ZDHHC24: variants seen among roughly 807,000 people sequenced by gnomAD.
ZDHHC24 encodes probable palmitoyltransferase ZDHHC24.
Under a neutral mutation model 23.2 loss-of-function variants are expected in ZDHHC24, and 17 were observed. The ratio of observed to expected loss-of-function variants is 0.73; its 90% CI spans 0.50 to 1.10. The LOEUF (loss-of-function observed/expected upper bound fraction) is 1.10, where lower values mean the gene tolerates loss of function less well. Ranked by LOEUF, ZDHHC24 falls within the 50% of genes least tolerant of loss-of-function variation. The probability of loss-of-function intolerance (pLI) is 0.00; values close to 1 mark genes in which losing one functional copy is unlikely to be tolerated. For missense variants in ZDHHC24, 366 were observed against 393.0 expected (o/e 0.93, Z 0.58); for synonymous variants, 186 against 194.5 (o/e 0.96, Z 0.36).
downstream of ZDHHC24, chr11:66,531,708 G>C (rs763723827): frequency 6.8e-6 from 11 of 1,614,142 alleles, no homozygotes; most frequent in Non-Finnish European, 7.6e-6. Context: ...TTTGTGGAGA[G>C]TCTCAGTAAC....
rs1857276515 is a variant in ZDHHC24 at position 66,545,228 on chromosome 11, G to A, written c.281+495C>T. Reference sequence around the variant, plus strand: ...CTAATTTTTTTATATTTTTAGTAGAGACGGGGTTTCACCACGTTGGCTAGG... The same window carrying A: ...CTAATTTTTTTATATTTTTAGTAGAAACGGGGTTTCACCACGTTGGCTAGG... On this transcript the variant is annotated intron_variant, in intron 1 of 2. Transcript: ENST00000310442. The surrounding 1 kb of genome is among the most constrained non-coding windows in gnomAD (Gnocchi z 4.5). Among the ~76,000 whole-genome samples the A allele has an allele frequency of 1.3e-5, 2 of 152,072 alleles. No homozygotes were observed. The highest frequency in any genetic ancestry group is 2.4e-5 in the African/African-American group (1 of 41,406).
In ZDHHC24 at chr11:66,543,701, C is replaced by G. The variant is rs774438355; in HGVS notation, c.559+3G>C. On this transcript the variant is annotated splice_donor_region_variant and intron_variant, in intron 2 of 2. Coordinates refer to ENST00000310442, the MANE Select transcript of ZDHHC24 (RefSeq NM_207340.3). ...CTGTGCAGAGGCCTCCCAGGCTCCC[C>G]ACCTGTGAGCAACATGAGCCAGGGA... 5 of 1,574,304 alleles carry G rather than the reference C, an allele frequency of 3.2e-6. No individual in the cohort carries two copies. The South Asian group carries it at 5.8e-5, about 18-fold the overall frequency.
chr11:66,531,670 G>C (rs1856786528), downstream of ZDHHC24: 2 of 1,614,008 alleles, frequency 1.2e-6, no homozygotes, highest in African/African-American at 2.7e-5. Context: ...CCTTGCTGGT[G>C]CCAGGGCTCA....
intron 2 of ZDHHC24, 24 bp downstream of exon 2, chr11:66,543,680 G>GAGA: frequency 6.4e-7 from 1 of 1,551,088 alleles, no homozygotes; most frequent in Non-Finnish European, 8.7e-7. Context: ...CTGCCTCTGT[G>GAGA]CAGAGGCCTC....
chr11:66,534,734 C>G (rs532449361), downstream of ZDHHC24, among the ~76,000 whole-genome samples: 8 of 151,992 alleles, frequency 5.3e-5, no homozygotes, highest in Non-Finnish European at 8.8e-5. Flanking sequence ...CTCACTGTGT[C>G]GCCCAGGCTG....
chr11:66,526,338 A>G, intron 4 of ZDHHC24: 1 of 877,342 alleles, frequency 1.1e-6, no homozygotes, highest in East Asian at 2.6e-5. Context: ...TTCTGGAGCT[A>G]GGCCTCCACT....
At chr11:66,534,857 G>A (rs556820842), downstream of ZDHHC24, among the ~76,000 whole-genome samples, 30 of 151,828 alleles carry the variant, frequency 2.0e-4, no homozygotes, top group Non-Finnish European at 3.1e-4. Flanking sequence ...CACCATGCCC[G>A]GCTAATTTTT....
chr11:66,526,840 C>G (rs1253408581), intron 4 of ZDHHC24: 2 of 1,614,192 alleles, frequency 1.2e-6, no homozygotes, highest in Non-Finnish European at 1.7e-6. Context: ...TCCCTTCTTC[C>G]TCCTCCACTG....
chr11:66,525,920 G>A (rs1288130271), intron 4 of ZDHHC24, among the ~76,000 whole-genome samples: 1 of 152,160 alleles, frequency 6.6e-6, no homozygotes, highest in East Asian at 1.9e-4. Context: ...CCAAAAGTGA[G>A]GGCCAGTGAT....
At chr11:66,527,906 TATAGGC>T (rs984044485) in intron 3 of ZDHHC24, among the ~76,000 whole-genome samples, 3 of 151,944 alleles carry the variant, frequency 2.0e-5, no homozygotes, top group African/African-American at 7.3e-5. Flanking sequence ...GGCAGGGTAA[TATAGGC>T]AGAGGCACAG....
In ZDHHC24 at chr11:66,530,013, A is replaced by G; in HGVS notation, c.560-525T>C. Reference sequence around the variant, plus strand: ...GGGGCAGAGGCCAGGATGCGCAGGAACCCCTCTGCCACACAGCTAAGCCCC... The same window carrying G: ...GGGGCAGAGGCCAGGATGCGCAGGAGCCCCTCTGCCACACAGCTAAGCCCC... On this transcript the variant is annotated intron_variant, in intron 2 of 4. Coordinates refer to the ZDHHC24 transcript ENST00000526986. The G allele has an allele frequency of 2.6e-6, 4 of 1,551,336 alleles. No homozygotes were observed. In the South Asian group the frequency reaches 4.7e-5, roughly 18 times the overall value.
intron 4 of ZDHHC24, chr11:66,524,240 A>C: frequency 8.4e-6 from 3 of 356,864 alleles, no homozygotes; most frequent in South Asian, 2.2e-5. Context: ...AGATCAAACC[A>C]TGGCACTTCA....
At chr11:66,530,749 C>A, downstream of ZDHHC24, 2 of 1,223,424 alleles carry the variant, frequency 1.6e-6, no homozygotes, top group East Asian at 2.4e-5. Context: ...CCCTCTGCCC[C>A]TTCTGGTCTT....
At chr11:66,531,732 ACAT>A, downstream of ZDHHC24, 1 of 1,614,024 alleles carries the variant, frequency 6.2e-7, no homozygotes, top group Non-Finnish European at 8.5e-7. Context: ...GGCATCTCAG[ACAT>A]CATCAAGGTA....
In ZDHHC24 at chr11:66,529,428, G is replaced by T; in HGVS notation, c.620C>A (p.Ser207Ter). 1.1e-6 allele frequency: 1 copy of T among 932,166 alleles called. No individual in the cohort carries two copies. The highest frequency in any genetic ancestry group is 1.7e-6 in the Non-Finnish European group (1 of 594,356). 57.7% of individuals were successfully genotyped at this position (932,166 alleles called of 1,614,324 possible). A position where few individuals can be genotyped will look rare whatever the true frequency, so the allele number is the denominator to read the frequency against. Residue 207 changes from serine (S) to a stop codon, truncating the protein, a stop_gained, in exon 3 of 5, where the codon TCG (serine) becomes TAG (stop). Coordinates refer to the ZDHHC24 transcript ENST00000526986. LOFTEE classifies it high-confidence loss of function. ...CTGCTGGAGACACATGCACAATATC[G>T]AGCGTGGACACCAAGGACTCCTCTT...
downstream of ZDHHC24, chr11:66,531,586 T>C (rs573949077): frequency 4.9e-5 from 79 of 1,602,214 alleles, no homozygotes; most frequent in African/African-American, 9.0e-4. Flanking sequence ...ACTGCGGGCC[T>C]GAATGCACTG....
intron 4 of ZDHHC24, chr11:66,523,394 G>C: frequency 6.2e-7 from 1 of 1,613,018 alleles, no homozygotes; most frequent in Non-Finnish European, 8.5e-7. Flanking sequence ...GACAGAGGAG[G>C]GTCAGCCATA....
chr11:66,544,803 A>C (rs1857261813), intron 1 of ZDHHC24, among the ~76,000 whole-genome samples: 1 of 151,844 alleles, frequency 6.6e-6, no homozygotes, highest in African/African-American at 2.4e-5. Context: ...ATAGCACACT[A>C]CAGCCTCAGT....
intron 3 of ZDHHC24, among the ~76,000 whole-genome samples, chr11:66,527,284 G>A (rs1287306469): frequency 2.7e-5 from 4 of 150,774 alleles, no homozygotes; most frequent in Admixed American, 6.6e-5. Flanking sequence ...TTTCCTGCCC[G>A]TTTATTTGTT....
Sources: allele counts gnomAD v4.1 joint callset (sites outside exome capture counted in the v4.1 genomes callset), GRCh38; gene constraint gnomAD v4.1.1; non-coding constraint Gnocchi (gnomAD v3.1); transcripts MANE v1.5; gene names NCBI Gene and HGNC (gene_info 2026-07-23, HGNC 2026-07-21).